CRMP1: variants seen among roughly 807,000 people sequenced by gnomAD.
CRMP1 encodes dihydropyrimidinase-related protein 1.
Under a neutral mutation model 68.3 loss-of-function variants are expected in CRMP1, and 19 were observed. That is an observed-to-expected ratio of 0.28 (90% CI 0.19 to 0.41). The LOEUF (loss-of-function observed/expected upper bound fraction) is 0.41, where lower values mean the gene tolerates loss of function less well. Among genes scored for constraint, CRMP1 ranks in the 10% least tolerant of loss-of-function variants. CRMP1 has a pLI of 1.00. For synonymous variants in CRMP1, 439 were observed against 399.6 expected (o/e 1.10, Z -1.18); for missense variants, 791 against 967.4 (o/e 0.82, Z 2.42).
chr4:5,825,909 AC>A lies in CRMP1; in HGVS notation c.1804-251del, dbSNP rs1396163204. The A allele has an allele frequency of 1.4e-5, 7 of 506,620 alleles. No individual in the cohort carries two copies. The highest frequency in any genetic ancestry group is 6.6e-5 in the African/African-American group (3 of 45,136). The allele number at this position is 506,620 out of a possible 1,614,324, so 31.4% of individuals were successfully genotyped here. A position where few individuals can be genotyped will look rare whatever the true frequency, so the allele number is the denominator to read the frequency against. On this transcript the variant is annotated intron_variant, in intron 12 of 13. Coordinates refer to ENST00000324989, the MANE Select transcript of CRMP1 (RefSeq NM_001014809.3). The surrounding 1 kb of genome is among the most constrained non-coding windows in gnomAD (Gnocchi z 4.4). ...CATGCATACACATACAGACGCACACACCACGCACACGCACTCACATACATGC... is the reference window on the plus strand; with the variant it reads ...CATGCATACACATACAGACGCACACACACGCACACGCACTCACATACATGC...
chr4:5,854,839 G>A lies in CRMP1; in HGVS notation c.820+1304C>T, dbSNP rs1025618794. ...TTTCAGGAAACCAATTTGGCAATAA[G>A]TGTCATAATCTTGAAAAATGTTAAA... On this transcript the variant is annotated intron_variant, in intron 4 of 13. Coordinates refer to ENST00000324989, the MANE Select transcript of CRMP1 (RefSeq NM_001014809.3). This position sits in a 1 kb window ranked among gnomAD's most constrained non-coding sequence, Gnocchi z 4.0. Among the ~76,000 whole-genome samples, 11 of 152,134 alleles carry A rather than the reference G, an allele frequency of 7.2e-5. No homozygotes were observed. Among genetic ancestry groups the A allele is most frequent in the Non-Finnish European group, 1.3e-4 (9 of 68,022 alleles).
intron 4 of CRMP1, 23 bp downstream of exon 4, chr4:5,856,120 C>T (rs1459892128): frequency 2.5e-6 from 4 of 1,611,910 alleles, no homozygotes; most frequent in Admixed American, 1.7e-5. Flanking sequence ...TCCCCAAAAC[C>T]CCGTTCCGAG....
Position 5,888,575 on chromosome 4 carries a change from G to T in CRMP1, c.381+4014C>A, listed in dbSNP as rs1715774449. The stretch of plus-strand genomic sequence containing the variant: ...GGCGGCGCGGAGCGAAGCCGGATTC[G>T]CCCCTCTCGGCTCGAACCAGGAAGC... On this transcript the variant is annotated intron_variant, in intron 1 of 13. Transcript: ENST00000324989. This position sits in a 1 kb window ranked among gnomAD's most constrained non-coding sequence, Gnocchi z 6.4. The T allele has an allele frequency of 1.8e-6, 2 of 1,094,056 alleles. No homozygotes were observed. Among genetic ancestry groups the T allele is most frequent in the East Asian group, 5.3e-5 (1 of 18,906 alleles). The allele number at this position is 1,094,056 out of a possible 1,614,324, so 67.8% of individuals were successfully genotyped here. A position where few individuals can be genotyped will look rare whatever the true frequency, so the allele number is the denominator to read the frequency against.
intron 13 of CRMP1, among the ~76,000 whole-genome samples, 191 bp from the exon 14 acceptor site, chr4:5,822,042 C>T (rs1174249567): frequency 1.4e-5 from 2 of 141,208 alleles, no homozygotes; most frequent in Non-Finnish European, 3.1e-5. Flanking sequence ...CCCCTCAGTC[C>T]CTGGGCTCCC....
At chr4:5,887,256 G>GCGACTGT in intron 1 of CRMP1, 1 of 742,822 alleles carries the variant, frequency 1.3e-6, no homozygotes, top group Non-Finnish European at 1.6e-6. Flanking sequence ...CAGGTGCCCT[G>GCGACTGT]CGACTGTCCA....
In CRMP1 at chr4:5,866,702, A is replaced by G. The variant is rs1714026212; in HGVS notation, c.436T>C (p.Tyr146His). 1.2e-6 allele frequency: 2 copies of G among 1,613,186 alleles called. No individual in the cohort carries two copies. Among genetic ancestry groups the G allele is most frequent in the South Asian group, 1.1e-5 (1 of 91,004 alleles). Reference sequence around the variant, plus strand: ...CCATCCTCCAGGTAGACGTCAGCATAAAGGGATTGGTCATCGTTGATGATC... The same window carrying G: ...CCATCCTCCAGGTAGACGTCAGCATGAAGGGATTGGTCATCGTTGATGATC... ...GRIINDDQSLYADVYLEDGLI... is the reference protein window; with the variant it reads ...GRIINDDQSLHADVYLEDGLI... The change falls in exon 2 of 14, where the codon TAT becomes CAT. Residue 146 changes from tyrosine to histidine, a missense_variant. By Grantham distance (83) the Tyr-to-His change is moderately conservative. Coordinates refer to ENST00000324989, the MANE Select transcript of CRMP1 (RefSeq NM_001014809.3). The surrounding 1 kb of genome is among the most constrained non-coding windows in gnomAD (Gnocchi z 5.9).
In CRMP1 at chr4:5,853,633, T is replaced by C. The variant is rs28625737; in HGVS notation, c.821-2164A>G. On this transcript the variant is annotated intron_variant, in intron 4 of 13. Transcript: ENST00000324989. The surrounding 1 kb of genome is among the most constrained non-coding windows in gnomAD (Gnocchi z 4.7). ...TTGAAATCAGAATACCCAGGGGATA[T>C]CCCCACTCCCGTGTTCATTGAGGCA... Among the ~76,000 whole-genome samples, 2,691 of 152,222 alleles carry C rather than the reference T, an allele frequency of 0.018. 84 individuals are homozygous for C. Among genetic ancestry groups the C allele is most frequent in the African/African-American group, 0.061 (2,547 of 41,528 alleles).
rs375916111 is a variant in CRMP1 at position 5,848,777 on chromosome 4, C to T, written c.963+615G>A. On this transcript the variant is annotated intron_variant, in intron 6 of 13. Coordinates refer to ENST00000324989, the MANE Select transcript of CRMP1 (RefSeq NM_001014809.3). ...GCCTTCTTGCTGCATCATAGCATGG[C>T]GGTGGGCATCACATGAGACAGCAGG... Among the ~76,000 whole-genome samples, 82 of 152,250 alleles carry T rather than the reference C, an allele frequency of 5.4e-4. 1 individual carries two copies. The highest frequency in any genetic ancestry group is 1.8e-3 in the African/African-American group (73 of 41,546).
chr4:5,821,794 G>T lies in CRMP1; in HGVS notation c.2027C>A (p.Pro676His). The change falls in exon 14 of 14, where the codon CCT becomes CAT. Residue 676 changes from proline to histidine, a missense_variant. Transcript: ENST00000324989. This position sits in a 1 kb window ranked among gnomAD's most constrained non-coding sequence, Gnocchi z 4.4. ...GCTGGTGATGTTGGAGCGGCCACCA[G>T]GGGGCGCCACGATGCGGTGGCCGGT... ...RRTGHRIVAP[P>H]GGRSNITSLG 1 of 1,610,972 alleles carries T rather than the reference G, an allele frequency of 6.2e-7. No individual in the cohort carries two copies. Among genetic ancestry groups the T allele is most frequent in the Non-Finnish European group, 8.5e-7 (1 of 1,178,798 alleles).
chr4:5,870,489 G>T lies in CRMP1; in HGVS notation c.382-3733C>A, dbSNP rs116824746. Among the ~76,000 whole-genome samples the T allele has an allele frequency of 1.3e-5, 2 of 152,234 alleles. No individual in the cohort carries two copies. The highest frequency in any genetic ancestry group is 4.8e-5 in the African/African-American group (2 of 41,468). ...GCACAGCACTTGTCTTTACTAGACCGTGAGCTCCACGGAGGCAACGGACTT... is the reference window on the plus strand; with the variant it reads ...GCACAGCACTTGTCTTTACTAGACCTTGAGCTCCACGGAGGCAACGGACTT... On this transcript the variant is annotated intron_variant, in intron 1 of 13. Transcript: ENST00000324989. The surrounding 1 kb of genome is among the most constrained non-coding windows in gnomAD (Gnocchi z 6.0).
rs146640962 is a variant in CRMP1 at position 5,873,895 on chromosome 4, T to C, written c.382-7139A>G. ...CCAGTGCCATGTGTAAAGGGGAGTC[T>C]GGGCTCTGTGGTGAAGGTCATGGAG... is the stretch of plus-strand genomic sequence containing the variant. On this transcript the variant is annotated intron_variant, in intron 1 of 13. Coordinates refer to ENST00000324989, the MANE Select transcript of CRMP1 (RefSeq NM_001014809.3). 4.0e-3 allele frequency among the ~76,000 whole-genome samples: 606 copies of C among 152,264 alleles called. 3 individuals carry two copies. The highest frequency in any genetic ancestry group is 0.014 in the African/African-American group (573 of 41,556).
chr4:5,892,776 C>T lies in CRMP1; in HGVS notation c.194G>A (p.Arg65His). 7.8e-7 allele frequency: 1 copy of T among 1,287,318 alleles called. No individual in the cohort carries two copies. Among genetic ancestry groups the T allele is most frequent in the Non-Finnish European group, 9.9e-7 (1 of 1,014,494 alleles). The allele number at this position is 1,287,318 out of a possible 1,614,324, so 79.7% of individuals were successfully genotyped here. ...VGRRGSARTP[R>H]SAGRPDAVGL... is the part of the protein sequence containing the mutation. Reference sequence around the variant, plus strand: ...GACCGCGTCGGGCCGGCCAGCGCTGCGCGGCGTGCGCGCCGAGCCGCGGCG... The same window carrying T: ...GACCGCGTCGGGCCGGCCAGCGCTGTGCGGCGTGCGCGCCGAGCCGCGGCG... Residue 65 changes from arginine (R) to histidine (H), a missense_variant, in exon 1 of 14, where the codon CGC becomes CAC. This residue lies in a region of CRMP1 where 193 missense variants were observed against 186.3 expected (regional missense o/e 1.04). Transcript: ENST00000324989. The surrounding 1 kb of genome is among the most constrained non-coding windows in gnomAD (Gnocchi z 8.6).
At chr4:5,822,824 A>C (rs781744048) in intron 13 of CRMP1, among the ~76,000 whole-genome samples, 27 of 152,192 alleles carry the variant, frequency 1.8e-4, no homozygotes, top group Admixed American at 1.5e-3. Flanking sequence ...ATCCTCAGCT[A>C]ACAGAAAAAC....
At chr4:5,868,253 CTATATATCTATATATATATATA>C (rs1714133536) in intron 1 of CRMP1, among the ~76,000 whole-genome samples, 1 of 83,160 alleles carries the variant, frequency 1.2e-5, no homozygotes, top group Non-Finnish European at 2.4e-5. Context: ...TTCTTCATGA[CTATATATCTATATATATATATA>C]TATATATATA....
intron 1 of CRMP1, among the ~76,000 whole-genome samples, chr4:5,868,267 A>ATATATATC (rs1714151662): frequency 3.0e-4 from 5 of 16,768 alleles, no homozygotes; most frequent in African/African-American, 5.7e-4. Context: ...ATATCTATAT[A>ATATATATC]TATATATATA....
chr4:5,832,176 A>C (rs1364791601), intron 11 of CRMP1, among the ~76,000 whole-genome samples: 1 of 152,234 alleles, frequency 6.6e-6, no homozygotes, highest in Non-Finnish European at 1.5e-5. Context: ...TGGGGGTGAG[A>C]GAGAGGGACT....
Position 5,889,992 on chromosome 4 carries a change from C to T in CRMP1, c.381+2597G>A. ...CCCCGGGTGCAAAACATATTAGCTG[C>T]AGCAAAGCAGCATGGAGATGCCAGG... On this transcript the variant is annotated intron_variant, in intron 1 of 13. Transcript: ENST00000324989. The surrounding 1 kb of genome is among the most constrained non-coding windows in gnomAD (Gnocchi z 4.5). 1 of 1,102,978 alleles carries T rather than the reference C, an allele frequency of 9.1e-7. No homozygotes were observed. Among genetic ancestry groups the T allele is most frequent in the South Asian group, 2.3e-5 (1 of 43,466 alleles). The allele number at this position is 1,102,978 out of a possible 1,614,324, so 68.3% of individuals were successfully genotyped here.
chr4:5,831,092 G>A (rs1274710127), intron 11 of CRMP1, among the ~76,000 whole-genome samples: 1 of 152,038 alleles, frequency 6.6e-6, no homozygotes, highest in African/African-American at 2.4e-5. Flanking sequence ...AGGACTACAG[G>A]CATGCACCAC....
rs1711913693 is a variant in CRMP1 at position 5,843,131 on chromosome 4, T to G, written c.994A>C (p.Thr332Pro). 2 of 1,614,054 alleles carry G rather than the reference T, an allele frequency of 1.2e-6. No homozygotes were observed. The highest frequency in any genetic ancestry group is 1.7e-6 in the Non-Finnish European group (2 of 1,180,046). The change falls in exon 7 of 14, where the codon ACG becomes CCG. Residue 332 changes from threonine to proline, a missense_variant. Around this residue, in one of 3 missense-constraint regions of CRMP1, gnomAD observed 594 missense variants for 763.6 expected, o/e 0.78. Transcript: ENST00000324989. This position sits in a 1 kb window ranked among gnomAD's most constrained non-coding sequence, Gnocchi z 4.1. ...EQKRILEMGI[T>P]GPEGHALSRP... ...CTCAGGGCATGGCCCTCGGGACCCG[T>G]GATGCCCATCTCCAGGATCCGCTTT... is the stretch of plus-strand genomic sequence containing the variant.
Sources: gnomAD v4.1 joint callset for allele counts (sites outside exome capture counted in the v4.1 genomes callset) on GRCh38, gnomAD v4.1.1 for gene constraint, gnomAD v4.1.1 regional missense constraint, Gnocchi (gnomAD v3.1) non-coding constraint, MANE v1.5 for transcripts, NCBI Gene and HGNC (gene_info 2026-07-23, HGNC 2026-07-21) for gene names.